The following CENPE variants were observed in gnomAD, a reference collection of about 807,000 sequenced individuals.
CENPE encodes the protein centromere protein E, also known as centromere-associated protein E.
In CENPE, 145 loss-of-function variants were observed where a neutral mutation model predicts 336.1. That is an observed-to-expected ratio of 0.43 (90% CI 0.38 to 0.50). The LOEUF is 0.50. Ranked by LOEUF, CENPE falls within the 20% of genes least tolerant of loss-of-function variation. The pLI is 0.00. For synonymous variants in CENPE, 1,013 were observed against 984.8 expected (o/e 1.03, Z -0.54); for missense variants, 2,719 against 3,023.3 (o/e 0.90, Z 2.36).
intron 37 of CENPE, 37 bp downstream of exon 37, chr4:103,140,219 A>T: frequency 6.4e-7 from 1 of 1,554,738 alleles, no homozygotes; most frequent in Middle Eastern, 2.4e-4. Context: ...AATTTTGGGC[A>T]CAGTTACTTC....
At chr4:103,188,116 C>T (rs541775895) in intron 8 of CENPE, among the ~76,000 whole-genome samples, 1 of 151,992 alleles carries the variant, frequency 6.6e-6, no homozygotes, top group Non-Finnish European at 1.5e-5. Context: ...ATATATGCAC[C>T]CAATACAGGA....
At chr4:103,168,810 A>G (rs1440535547) in intron 16 of CENPE, among the ~76,000 whole-genome samples, 1 of 152,206 alleles carries the variant, frequency 6.6e-6, no homozygotes, top group Non-Finnish European at 1.5e-5. Flanking sequence ...GCAGGATAAC[A>G]TGGTGACCTC....
At chr4:103,165,952 G>T (rs1754881345) in intron 16 of CENPE, among the ~76,000 whole-genome samples, 1 of 151,368 alleles carries the variant, frequency 6.6e-6, no homozygotes, top group South Asian at 2.1e-4. Flanking sequence ...CCTCAACTGT[G>T]GTTAAAATGG....
At chr4:103,182,147 A>C (rs981032784) in intron 11 of CENPE, among the ~76,000 whole-genome samples, 2 of 150,486 alleles carry the variant, frequency 1.3e-5, no homozygotes, top group Non-Finnish European at 2.9e-5. Context: ...GCTGGAGTGC[A>C]ATGGCGCGAT....
At chr4:103,149,823 T>C (rs2125939536) in intron 26 of CENPE, among the ~76,000 whole-genome samples, 1 of 152,298 alleles carries the variant, frequency 6.6e-6, no homozygotes, top group East Asian at 1.9e-4. Flanking sequence ...AAGTAAGGAA[T>C]GATTCTTCCT....
intron 4 of CENPE, 95 bp downstream of exon 4, chr4:103,195,825 T>C: frequency 2.5e-6 from 2 of 787,094 alleles, no homozygotes; most frequent in Non-Finnish European, 4.5e-6. Context: ...GTAAATCTAC[T>C]TCCTTTCATC....
chr4:103,112,624 GTAAGTATATATAAGTGGATATATACTTA>G (rs1221923086), intron 46 of CENPE, among the ~76,000 whole-genome samples: 16 of 126,722 alleles, frequency 1.3e-4, no homozygotes, highest in African/African-American at 4.9e-4. Context: ...ATATATACTT[GTAAGTATATATAAGTGGATATATACTTA>G]TAAGTATATA....
At chr4:103,174,437 A>G (rs182291586) in intron 16 of CENPE, among the ~76,000 whole-genome samples, 144 of 152,140 alleles carry the variant, frequency 9.5e-4, no homozygotes, top group African/African-American at 3.1e-3. Flanking sequence ...ATTGTACAGC[A>G]AGGTGACTAT....
At position 103,177,045 on chromosome 4, in the gene CENPE, G is replaced by A; in HGVS notation, c.1244C>T (p.Ala415Val). The change falls in exon 14 of 49, where the codon GCT becomes GTT. Residue 415 changes from alanine (A) to valine (V), a missense_variant and splice_region_variant. Around this residue, in one of 5 missense-constraint regions of CENPE, gnomAD observed 117 missense variants for 215.8 expected, o/e 0.54. Transcript: ENST00000265148. ...CCAAGTAACTCTTCGTTTTCTTTTA[G>A]CCTAAAGAAGAAGAAATCAAAATTA... is the stretch of plus-strand genomic sequence containing the variant. ...SSLTLQQELK[A>V]KRKRRVTWCL... 6.3e-7 allele frequency: 1 copy of A among 1,598,834 alleles called. No individual in the cohort carries two copies. The highest frequency in any genetic ancestry group is 2.2e-5 in the East Asian group (1 of 44,600).
rs1275969623 is a variant in CENPE, at chr4:103,109,013, T to C, written c.7801A>G (p.Thr2601Ala). 2.5e-6 allele frequency: 4 copies of C among 1,613,474 alleles called. No individual in the cohort carries two copies. The highest frequency in any genetic ancestry group is 2.5e-6 in the Non-Finnish European group (3 of 1,179,508). The part of the protein sequence containing the change: ...TLKREAHKQV[T>A]CENSPKSPKV... ...GGAGACTTTGGAGAATTCTCACAAG[T>C]TACTTGTTTGTGAGCCTCTCTTTTA... Residue 2601 changes from threonine to alanine, a missense_variant, in exon 48 of 49, where the codon ACT (threonine) becomes GCT (alanine). Thr to Ala is a moderately conservative substitution (Grantham distance 58, BLOSUM62 0). Transcript: ENST00000265148.
intron 21 of CENPE, among the ~76,000 whole-genome samples, chr4:103,160,298 T>A (rs944085407): frequency 6.6e-6 from 1 of 151,932 alleles, no homozygotes; most frequent in South Asian, 2.1e-4. Context: ...ATGATACTAC[T>A]ACTACCAAAA....
chr4:103,119,911 C>T (rs1750459546), intron 44 of CENPE, among the ~76,000 whole-genome samples: 1 of 151,896 alleles, frequency 6.6e-6, no homozygotes, highest in Non-Finnish European at 1.5e-5. Context: ...CTATAAACAA[C>T]ATGTATATCT....
intron 42 of CENPE, among the ~76,000 whole-genome samples, chr4:103,129,388 A>G (rs1302120581): frequency 6.6e-6 from 1 of 152,202 alleles, no homozygotes; most frequent in Non-Finnish European, 1.5e-5. Flanking sequence ...TTATTCTAAT[A>G]CTAAAACCAG....
At chr4:103,192,021 T>C (rs1757399081) in intron 8 of CENPE, among the ~76,000 whole-genome samples, 1 of 151,556 alleles carries the variant, frequency 6.6e-6, no homozygotes, top group African/African-American at 2.4e-5. Flanking sequence ...AGACTGCTTG[T>C]AAGAGAAGCA....
Position 103,145,280 on chromosome 4 carries a change from CCTCA to C in CENPE, c.4623_4626del (p.Ser1541ArgfsTer6). The stretch of plus-strand genomic sequence containing the variant: ...TTCAGTTCATTCACTTTTTCCTGAA[CCTCA>C]CTAATTTGTTTTATATTAAATTGTT... On this transcript the variant is annotated frameshift_variant, in exon 32 of 49. Transcript: ENST00000265148. LOFTEE classifies it high-confidence loss of function. 1 of 1,605,862 alleles carries C rather than the reference CCTCA, an allele frequency of 6.2e-7. No individual in the cohort carries two copies. Among genetic ancestry groups the C allele is most frequent in the Non-Finnish European group, 8.5e-7 (1 of 1,173,656 alleles).
At chr4:103,181,570 T>A in intron 11 of CENPE, 114 bp from the exon 12 acceptor site, 1 of 852,890 alleles carries the variant, frequency 1.2e-6, no homozygotes, top group Non-Finnish European at 1.7e-6. Flanking sequence ...CTCTTTCTAG[T>A]TGGCTTAATA....
intron 8 of CENPE, among the ~76,000 whole-genome samples, chr4:103,191,094 G>C (rs576154104): frequency 6.4e-4 from 98 of 152,314 alleles, no homozygotes; most frequent in African/African-American, 2.3e-3. Context: ...AAACCACAAT[G>C]AGATACCATC....
intron 21 of CENPE, among the ~76,000 whole-genome samples, chr4:103,160,334 C>G (rs189857133): frequency 1.3e-3 from 203 of 151,644 alleles, no homozygotes; most frequent in Admixed American, 2.4e-3. Flanking sequence ...AAGGGTGGGC[C>G]GTAATACTGT....
At chr4:103,196,873 T>C in intron 1 of CENPE, 23 bp from the exon 2 acceptor site, 2 of 1,149,926 alleles carry the variant, frequency 1.7e-6, no homozygotes, top group Non-Finnish European at 2.6e-6. Context: ...AAACACCGCA[T>C]TTTAACCAGT....
Sources: allele counts gnomAD v4.1 joint callset (sites outside exome capture counted in the v4.1 genomes callset), GRCh38; gene constraint gnomAD v4.1.1; regional missense constraint gnomAD v4.1.1; transcripts MANE v1.5; gene names NCBI Gene and HGNC (gene_info 2026-07-23, HGNC 2026-07-21).